The following MCF2L2 variants were observed in gnomAD, a reference collection of about 807,000 sequenced individuals.
MCF2L2 encodes MCF.2 cell line derived transforming sequence-like 2.
In MCF2L2, 102 loss-of-function variants were observed where a neutral mutation model predicts 150.2. The ratio of observed to expected loss-of-function variants is 0.68; its 90% CI spans 0.58 to 0.80. The LOEUF (loss-of-function observed/expected upper bound fraction) is 0.80, where lower values mean the gene tolerates loss of function less well. Among genes scored for constraint, MCF2L2 ranks in the 30% least tolerant of loss-of-function variants. The pLI, the probability that MCF2L2 is intolerant of heterozygous loss-of-function variation, is 0.00. For missense variants in MCF2L2, 1,256 were observed against 1,372.8 expected (o/e 0.91, Z 1.34); for synonymous variants, 465 against 491.3 (o/e 0.95, Z 0.71).
intron 15 of MCF2L2, among the ~76,000 whole-genome samples, chr3:183,257,571 T>C (rs1045931084): frequency 6.6e-6 from 1 of 152,210 alleles, no homozygotes; most frequent in African/African-American, 2.4e-5. Context: ...TAAATGTTGA[T>C]CCACCAAGAC....
intron 3 of MCF2L2, among the ~76,000 whole-genome samples, chr3:183,343,372 T>A (rs1730774816): frequency 2.5e-5 from 2 of 81,100 alleles, no homozygotes; most frequent in South Asian, 3.3e-4. Context: ...GATAACTTGA[T>A]TTTTTTTTTT....
chr3:183,214,899 A>G (rs893794049), intron 22 of MCF2L2, among the ~76,000 whole-genome samples: 3 of 151,650 alleles, frequency 2.0e-5, no homozygotes. Flanking sequence ...GGAGGCTGGG[A>G]CAGGAGAATC....
chr3:183,206,815 C>T (rs1291646140), intron 23 of MCF2L2, among the ~76,000 whole-genome samples: 1 of 151,824 alleles, frequency 6.6e-6, no homozygotes, highest in Non-Finnish European at 1.5e-5. Flanking sequence ...TTGCAGTTAG[C>T]CAAGATCATG....
At chr3:183,271,775 G>C (rs1726804385) in intron 15 of MCF2L2, 1 of 166,844 alleles carries the variant, frequency 6.0e-6, no homozygotes. Flanking sequence ...ATATTGGTCT[G>C]TGTTTAAGTT....
At chr3:183,333,151 A>C (rs1283755013) in intron 5 of MCF2L2, among the ~76,000 whole-genome samples, 1 of 152,040 alleles carries the variant, frequency 6.6e-6, no homozygotes, top group Admixed American at 6.6e-5. Context: ...GGTTCAAGCA[A>C]TTCTCCTGCC....
intron 25 of MCF2L2, among the ~76,000 whole-genome samples, chr3:183,202,447 T>C (rs1263193831): frequency 1.3e-5 from 2 of 152,194 alleles, no homozygotes; most frequent in Non-Finnish European, 2.9e-5. Context: ...TGTGAACATG[T>C]TCAGGACAGA....
intron 3 of MCF2L2, among the ~76,000 whole-genome samples, chr3:183,364,183 T>G (rs1005741351): frequency 6.6e-6 from 1 of 151,782 alleles, no homozygotes; most frequent in African/African-American, 2.4e-5. Context: ...TGAGAGAAAA[T>G]GAAGCAAACC....
At chr3:183,186,791 C>G (rs1721710463) in intron 27 of MCF2L2, among the ~76,000 whole-genome samples, 1 of 151,990 alleles carries the variant, frequency 6.6e-6, no homozygotes, top group Non-Finnish European at 1.5e-5. Context: ...TCCTGGATAT[C>G]AAGTGATCCT....
rs569383332 is a variant in MCF2L2, at chr3:183,378,799, C to G, written c.275+498G>C. ...TTGGGAGGCCGAGGCAGGCGGATTA[C>G]TTGAGGTTAGGAGTTCGAGACCAGC... On this transcript the variant is annotated intron_variant, in intron 3 of 29. Coordinates refer to ENST00000328913, the MANE Select transcript of MCF2L2 (RefSeq NM_015078.4). The G allele has an allele frequency of 1.4e-4, 21 of 151,272 alleles. No homozygotes were observed. The East Asian group carries it at 2.3e-3, about 17-fold the overall frequency. 9.4% of individuals were successfully genotyped at this position (151,272 alleles called of 1,614,324 possible). A position where few individuals can be genotyped will look rare whatever the true frequency, so the allele number is the denominator to read the frequency against.
chr3:183,377,006 A>T (rs1275875409), intron 3 of MCF2L2: 1 of 152,190 alleles, frequency 6.6e-6, no homozygotes, highest in Admixed American at 6.5e-5. Context: ...TTTTAACTTA[A>T]ATAGTCAATA....
At chr3:183,200,838 A>G (rs540256284) in intron 25 of MCF2L2, among the ~76,000 whole-genome samples, 154 of 152,332 alleles carry the variant, frequency 1.0e-3, no homozygotes, top group African/African-American at 3.5e-3. Flanking sequence ...AGCTTTCTAC[A>G]TATGGCTAGC....
At chr3:183,289,466 C>T (rs543827904) in intron 13 of MCF2L2, among the ~76,000 whole-genome samples, 3 of 152,206 alleles carry the variant, frequency 2.0e-5, no homozygotes, top group Non-Finnish European at 4.4e-5. Flanking sequence ...ACACCCAGCA[C>T]CATATGAAAC....
intron 3 of MCF2L2, among the ~76,000 whole-genome samples, chr3:183,343,687 C>T (rs1334842278): frequency 6.6e-6 from 1 of 152,054 alleles, no homozygotes; most frequent in East Asian, 1.9e-4. Flanking sequence ...CAACTTGAAT[C>T]TGCAAGAAGA....
At chr3:183,384,804 G>A (rs1713741444) in intron 2 of MCF2L2, among the ~76,000 whole-genome samples, 1 of 152,180 alleles carries the variant, frequency 6.6e-6, no homozygotes, top group Non-Finnish European at 1.5e-5. Flanking sequence ...CCCCTAGGGT[G>A]GTTACAGTTG....
intron 21 of MCF2L2, among the ~76,000 whole-genome samples, chr3:183,218,452 C>G (rs944130879): frequency 6.6e-6 from 1 of 151,978 alleles, no homozygotes; most frequent in African/African-American, 2.4e-5. Flanking sequence ...GCCTGACCAA[C>G]GTGGTGAAAC....
At chr3:183,285,616 CT>C (rs1727745965) in intron 14 of MCF2L2, among the ~76,000 whole-genome samples, 1 of 152,212 alleles carries the variant, frequency 6.6e-6, no homozygotes, top group African/African-American at 2.4e-5. Flanking sequence ...CTTCACTCAC[CT>C]CTCCATTCCC....
chr3:183,229,427 C>T (rs1157181070), intron 17 of MCF2L2, among the ~76,000 whole-genome samples: 1 of 152,192 alleles, frequency 6.6e-6, no homozygotes, highest in African/African-American at 2.4e-5. Context: ...CAACTGCATA[C>T]AACATGGATG....
intron 22 of MCF2L2, among the ~76,000 whole-genome samples, chr3:183,211,750 G>GTATT (rs1223520106): frequency 6.6e-6 from 1 of 152,158 alleles, no homozygotes; most frequent in Non-Finnish European, 1.5e-5. Flanking sequence ...GCATTCCCTA[G>GTATT]TATTTATTTA....
In MCF2L2 at chr3:183,197,677, C is replaced by T. The variant is rs577718646; in HGVS notation, c.2885-2422G>A. Reference sequence around the variant, plus strand: ...ACTCTTAAGAGAAAAAGATGCCACACACTAGAAGAAAATATTTACAAAGCA... The same window carrying T: ...ACTCTTAAGAGAAAAAGATGCCACATACTAGAAGAAAATATTTACAAAGCA... On this transcript the variant is annotated intron_variant, in intron 25 of 29. Transcript: ENST00000328913. This position sits in a 1 kb window ranked among gnomAD's most constrained non-coding sequence, Gnocchi z 4.5. Among the ~76,000 whole-genome samples the T allele has an allele frequency of 1.4e-4, 22 of 152,204 alleles. No individual in the cohort carries two copies. The highest frequency in any genetic ancestry group is 4.8e-4 in the African/African-American group (20 of 41,542).
Sources: allele counts gnomAD v4.1 joint callset (sites outside exome capture counted in the v4.1 genomes callset), GRCh38; gene constraint gnomAD v4.1.1; non-coding constraint Gnocchi (gnomAD v3.1); transcripts MANE v1.5; gene names NCBI Gene and HGNC (gene_info 2026-07-23, HGNC 2026-07-21).